Variants in NCOR1 observed in about 807,000 individuals in gnomAD.
NCOR1 encodes the protein nuclear receptor corepressor 1.
A neutral mutation model predicts 288.1 loss-of-function variants in NCOR1; 63 were observed. The observed-to-expected ratio is 0.22, with a 90% confidence interval of 0.18 to 0.27. The LOEUF is 0.27. Ranked by LOEUF, NCOR1 falls within the 10% of genes least tolerant of loss-of-function variation. The pLI is 1.00. For synonymous variants in NCOR1, 1,007 were observed against 1,065.9 expected (o/e 0.94, Z 1.08); for missense variants, 2,397 against 3,019.2 (o/e 0.79, Z 4.83).
rs919748139 is a variant in NCOR1, at chr17:16,070,229, C to T, written c.4449G>A (p.Arg1483=). The change falls in exon 31 of 46, where the codon AGG becomes AGA. Residue 1483 remains arginine, a synonymous_variant. Coordinates refer to ENST00000268712, the MANE Select transcript of NCOR1 (RefSeq NM_006311.4). The part of the protein sequence containing the change: ...PGIYDDTSAR[R]TPVSYQNTMS... ...TGGTGTTTTGATAACTCACAGGGGT[C>T]CTCCGTGCACTGGTGTCATCATAAA... 2 of 1,613,664 alleles carry T rather than the reference C, an allele frequency of 1.2e-6. No individual in the cohort carries two copies. Among genetic ancestry groups the T allele is most frequent in the African/African-American group, 2.7e-5 (2 of 74,742 alleles).
intron 3 of NCOR1, among the ~76,000 whole-genome samples, chr17:16,172,535 C>T (rs146745515): frequency 1.8e-4 from 27 of 152,182 alleles, no homozygotes; most frequent in African/African-American, 5.5e-4. Flanking sequence ...CACCATTTTT[C>T]AACCAATAAT....
chr17:16,160,896 C>G (rs533425668), intron 5 of NCOR1, among the ~76,000 whole-genome samples: 39 of 152,138 alleles, frequency 2.6e-4, no homozygotes, highest in South Asian at 8.3e-4. Context: ...GTTTCTGAAC[C>G]TATTCTGGCT....
intron 14 of NCOR1, among the ~76,000 whole-genome samples, chr17:16,127,572 T>C (rs989859238): frequency 8.1e-6 from 1 of 122,736 alleles, no homozygotes; most frequent in African/African-American, 4.2e-5. Flanking sequence ...TATGTATGTA[T>C]ATATACATAT....
chr17:16,106,870 TATATATATA>T (rs2068772796), intron 19 of NCOR1, among the ~76,000 whole-genome samples: 1 of 52,922 alleles, frequency 1.9e-5, no homozygotes, highest in African/African-American at 9.5e-5. Context: ...TATATATATA[TATATATATA>T]TATATTTTTT....
At chr17:16,060,942 A>T (rs1025120916) in intron 37 of NCOR1, among the ~76,000 whole-genome samples, 6 of 152,214 alleles carry the variant, frequency 3.9e-5, no homozygotes, top group African/African-American at 1.4e-4. Flanking sequence ...CAACTTGCAA[A>T]AACGATGCAA....
At chr17:16,196,865 T>G (rs1471869102) in intron 1 of NCOR1, among the ~76,000 whole-genome samples, 1 of 123,532 alleles carries the variant, frequency 8.1e-6, no homozygotes, top group African/African-American at 3.1e-5. Flanking sequence ...AAGAAAAAAA[T>G]AATTAGTCAG....
chr17:16,093,515 A>G (rs2065776782), intron 21 of NCOR1, among the ~76,000 whole-genome samples: 1 of 152,146 alleles, frequency 6.6e-6, no homozygotes, highest in South Asian at 2.1e-4. Flanking sequence ...GTTTTGTCCA[A>G]TACTTAAAAA....
intron 37 of NCOR1, 106 bp from the exon 38 acceptor site, chr17:16,058,705 A>G (rs1480116399): frequency 1.7e-6 from 2 of 1,190,342 alleles, no homozygotes; most frequent in Non-Finnish European, 2.3e-6. Context: ...CACCATGTTC[A>G]AAGGTATTCC....
chr17:16,137,930 G>A, intron 13 of NCOR1: 1 of 453,340 alleles, frequency 2.2e-6, no homozygotes, highest in Non-Finnish European at 3.9e-6. Flanking sequence ...TAATCTATGT[G>A]TTTTAGGGAA....
chr17:16,197,383 A>T (rs1303144930), intron 1 of NCOR1, among the ~76,000 whole-genome samples: 2 of 152,126 alleles, frequency 1.3e-5, no homozygotes, highest in Non-Finnish European at 2.9e-5. Flanking sequence ...TATTTTAAAT[A>T]AATATACCAT....
intron 1 of NCOR1, among the ~76,000 whole-genome samples, chr17:16,208,491 A>AT (rs907488101): frequency 2.6e-5 from 4 of 152,136 alleles, no homozygotes; most frequent in African/African-American, 9.6e-5. Context: ...GGATGAACCA[A>AT]TCCCATGTTT....
intron 1 of NCOR1, among the ~76,000 whole-genome samples, chr17:16,208,437 C>T (rs2091809601): frequency 6.6e-6 from 1 of 151,890 alleles, no homozygotes; most frequent in African/African-American, 2.4e-5. Flanking sequence ...AAAATTAAAA[C>T]ATTATTGCAT....
intron 38 of NCOR1, 116 bp downstream of exon 38, chr17:16,058,355 G>A (rs1391711707): frequency 2.2e-6 from 3 of 1,339,850 alleles, no homozygotes; most frequent in African/African-American, 2.9e-5. Flanking sequence ...GCTCATGTAA[G>A]ATTACCCTAA....
intron 1 of NCOR1, among the ~76,000 whole-genome samples, chr17:16,199,337 CACG>C (rs761622797): frequency 6.6e-6 from 1 of 151,934 alleles, no homozygotes; most frequent in Non-Finnish European, 1.5e-5. Context: ...GCCTGGAGAC[CACG>C]ACAACCTCCT....
chr17:16,188,587 A>G (rs1486373773), intron 2 of NCOR1, among the ~76,000 whole-genome samples: 2 of 151,908 alleles, frequency 1.3e-5, no homozygotes, highest in Non-Finnish European at 2.9e-5. Context: ...CTCTAGTCCA[A>G]GCAAAAGTGC....
chr17:16,111,555 TCAAGCCACTG>T (rs2070185032), intron 18 of NCOR1, among the ~76,000 whole-genome samples: 1 of 151,606 alleles, frequency 6.6e-6, no homozygotes, highest in Non-Finnish European at 1.5e-5. Context: ...TGAGCCAAGA[TCAAGCCACTG>T]CACTCCAGCC....
intron 42 of NCOR1, chr17:16,045,022 A>C: frequency 2.3e-6 from 1 of 437,730 alleles, no homozygotes; most frequent in Non-Finnish European, 4.2e-6. Context: ...AGAATAAACC[A>C]GACTATGGTC....
intron 14 of NCOR1, among the ~76,000 whole-genome samples, chr17:16,127,098 G>GT (rs1193174253): frequency 9.1e-6 from 1 of 109,612 alleles, no homozygotes; most frequent in African/African-American, 3.3e-5. Context: ...GTTTATCATA[G>GT]GTGTGTGTGT....
rs1307020985 is a variant in NCOR1 at position 16,077,394 on chromosome 17, ACT to A, written c.3502-1694_3502-1693del. 2.7e-5 allele frequency among the ~76,000 whole-genome samples: 4 copies of A among 147,912 alleles called. No homozygotes were observed. In the South Asian group the frequency reaches 6.7e-4, roughly 25 times the overall value. On this transcript the variant is annotated intron_variant, in intron 26 of 45. Coordinates refer to ENST00000268712, the MANE Select transcript of NCOR1 (RefSeq NM_006311.4). ...GCTCCAGCCTGGGCAACAGAGCAAG[ACT>A]CTGTCAAAAAAGCAAGCAAGCAAAA...
Sources: allele counts gnomAD v4.1 joint callset (sites outside exome capture counted in the v4.1 genomes callset), GRCh38; gene constraint gnomAD v4.1.1; transcripts MANE v1.5; gene names NCBI Gene and HGNC (gene_info 2026-07-23, HGNC 2026-07-21).